Variants in TMEM132D observed in about 807,000 individuals in gnomAD.
The protein encoded by TMEM132D is mature OL transmembrane protein.
In TMEM132D, 21 loss-of-function variants were observed where a neutral mutation model predicts 62.3. That is an observed-to-expected ratio of 0.34 (90% CI 0.24 to 0.49). The LOEUF is 0.49. Among genes scored for constraint, TMEM132D ranks in the 20% least tolerant of loss-of-function variants. TMEM132D has a pLI of 0.99. For missense variants in TMEM132D, 1,346 were observed against 1,402.8 expected, an observed-to-expected ratio of 0.96 and a Z score of 0.65; for synonymous variants, 621 against 575.6, an observed-to-expected ratio of 1.08 and a Z score of -1.13.
intron 2 of TMEM132D, among the ~76,000 whole-genome samples, chr12:129,583,611 G>A (rs1008402825): frequency 6.6e-6 from 1 of 152,186 alleles, no homozygotes; most frequent in African/African-American, 2.4e-5. Flanking sequence ...GCACTCCAGT[G>A]AGAACAGACC....
intron 4 of TMEM132D, among the ~76,000 whole-genome samples, chr12:129,318,190 A>G (rs1868548393): frequency 6.6e-6 from 1 of 152,132 alleles, no homozygotes; most frequent in African/African-American, 2.4e-5. Context: ...GTGAACTAGC[A>G]TGATTTTCGA....
intron 3 of TMEM132D, among the ~76,000 whole-genome samples, chr12:129,409,445 T>C (rs559310184): frequency 6.6e-6 from 1 of 152,248 alleles, no homozygotes; most frequent in South Asian, 2.1e-4. Context: ...CTGGAGAAAA[T>C]GTTCAAAGAA....
chr12:129,193,333 TG>T (rs1291966232), intron 5 of TMEM132D, among the ~76,000 whole-genome samples: 1 of 146,980 alleles, frequency 6.8e-6, no homozygotes, highest in East Asian at 2.0e-4. Context: ...CACATAGCAA[TG>T]TTTTTTTTTT....
intron 5 of TMEM132D, among the ~76,000 whole-genome samples, chr12:129,186,777 C>T (rs1878233939): frequency 1.3e-5 from 2 of 152,202 alleles, no homozygotes; most frequent in South Asian, 4.1e-4. Context: ...GCATTGTAAT[C>T]ATTCTTTGCT....
At chr12:129,275,837 G>A (rs977096017) in intron 4 of TMEM132D, among the ~76,000 whole-genome samples, 2 of 152,178 alleles carry the variant, frequency 1.3e-5, no homozygotes, top group Non-Finnish European at 2.9e-5. Context: ...AGGTTGCTAC[G>A]TTTGGGGTCT....
At chr12:129,604,126 T>C (rs2137145081) in intron 2 of TMEM132D, among the ~76,000 whole-genome samples, 1 of 151,982 alleles carries the variant, frequency 6.6e-6, no homozygotes, top group East Asian at 1.9e-4. Context: ...TGAGAACACA[T>C]GGACACAAGG....
chr12:129,351,432 C>T (rs1869858506), intron 3 of TMEM132D, among the ~76,000 whole-genome samples: 1 of 152,216 alleles, frequency 6.6e-6, no homozygotes, highest in Admixed American at 6.5e-5. Context: ...GGCCGTACCT[C>T]CTAACTGAGG....
At chr12:129,362,265 C>G (rs1291966579) in intron 3 of TMEM132D, among the ~76,000 whole-genome samples, 1 of 151,928 alleles carries the variant, frequency 6.6e-6, no homozygotes, top group Non-Finnish European at 1.5e-5. Flanking sequence ...TCATGGATAC[C>G]TATTAATCCT....
At chr12:129,559,531 G>A (rs1388909) in intron 2 of TMEM132D, among the ~76,000 whole-genome samples, 108,739 of 152,106 alleles carry the variant, frequency 0.71, 39,036 homozygotes, top group Admixed American at 0.75. Flanking sequence ...TGAGTCTTAC[G>A]CACATGTAAT....
intron 4 of TMEM132D, among the ~76,000 whole-genome samples, chr12:129,249,949 G>A (rs1419170005): frequency 6.6e-6 from 1 of 152,236 alleles, no homozygotes; most frequent in Non-Finnish European, 1.5e-5. Flanking sequence ...AAGGGCAAGG[G>A]GAGAATGTCA....
At chr12:129,483,540 C>T (rs1874489982) in intron 3 of TMEM132D, among the ~76,000 whole-genome samples, 1 of 152,208 alleles carries the variant, frequency 6.6e-6, no homozygotes, top group African/African-American at 2.4e-5. Context: ...TTACTATTAA[C>T]CATACTTAAT....
intron 3 of TMEM132D, among the ~76,000 whole-genome samples, chr12:129,507,292 A>G (rs1344502790): frequency 6.6e-6 from 1 of 152,240 alleles, no homozygotes; most frequent in African/African-American, 2.4e-5. Context: ...CACTATGCAA[A>G]AAAGTGTGGA....
rs549310497 is a variant in TMEM132D at position 129,407,629 on chromosome 12, G to A, written c.1116-69812C>T. Among the ~76,000 whole-genome samples the A allele has an allele frequency of 3.9e-5, 6 of 152,132 alleles. No individual in the cohort carries two copies. The South Asian group carries it at 6.2e-4, about 16-fold the overall frequency. ...AGTTAAAAATCAGCTAATTTTGGCC[G>A]GGCATGGTGGCTCACACCTGTAATC... On this transcript the variant is annotated intron_variant, in intron 3 of 8. Transcript: ENST00000422113.
At chr12:129,090,124 A>G (rs1407320076) in intron 5 of TMEM132D, among the ~76,000 whole-genome samples, 3 of 152,282 alleles carry the variant, frequency 2.0e-5, no homozygotes, top group African/African-American at 4.8e-5. Flanking sequence ...GGCGCTGAGG[A>G]GAAACGTGGG....
chr12:129,342,722 C>T (rs7397911), intron 3 of TMEM132D, among the ~76,000 whole-genome samples: 149,700 of 152,144 alleles, frequency 0.98, 73,688 homozygotes, highest in Middle Eastern at 1. Flanking sequence ...CTCAAACAAA[C>T]TTACAAGAAA....
intron 1 of TMEM132D, among the ~76,000 whole-genome samples, chr12:129,809,307 C>CA (rs34039590): frequency 0.6 from 82,247 of 137,702 alleles, 24,827 homozygotes; most frequent in Non-Finnish European, 0.67. Context: ...GACTCCATAT[C>CA]AAAAAAAAAA....
At chr12:129,397,068 C>T (rs1295726776) in intron 3 of TMEM132D, among the ~76,000 whole-genome samples, 2 of 152,100 alleles carry the variant, frequency 1.3e-5, no homozygotes, top group African/African-American at 2.4e-5. Flanking sequence ...TCCTAAGTCC[C>T]GAGCAGAAAA....
intron 2 of TMEM132D, among the ~76,000 whole-genome samples, chr12:129,569,468 A>G (rs1439342100): frequency 6.6e-6 from 1 of 152,202 alleles, no homozygotes; most frequent in Non-Finnish European, 1.5e-5. Context: ...TAATATAAAT[A>G]TTCATTGAGA....
chr12:129,279,422 T>C (rs1031535820), intron 4 of TMEM132D, among the ~76,000 whole-genome samples: 1 of 152,282 alleles, frequency 6.6e-6, no homozygotes, highest in East Asian at 1.9e-4. Flanking sequence ...ACTTTTTACT[T>C]ATTTAGGAAA....
Sources: gnomAD v4.1 joint callset for allele counts (sites outside exome capture counted in the v4.1 genomes callset) on GRCh38, gnomAD v4.1.1 for gene constraint, MANE v1.5 for transcripts, NCBI Gene and HGNC (gene_info 2026-07-23, HGNC 2026-07-21) for gene names.